Variants in FSHR observed in about 807,000 individuals in gnomAD.
FSHR encodes follicle stimulating hormone receptor, also known as follicle-stimulating hormone receptor.
Under a neutral mutation model 52.1 loss-of-function variants are expected in FSHR, and 46 were observed. That is an observed-to-expected ratio of 0.88 (90% confidence interval 0.70 to 1.13). The LOEUF (loss-of-function observed/expected upper bound fraction) is 1.13, where lower values mean the gene tolerates loss of function less well. Ranked by LOEUF, FSHR falls within the 50% of genes most tolerant of loss-of-function variation. The pLI, the probability that FSHR is intolerant of heterozygous loss-of-function variation, is 0.00. For missense variants in FSHR, 964 were observed against 834.6 expected, an observed-to-expected ratio of 1.16 and a Z score of -1.91; for synonymous variants, 399 against 309.6, an observed-to-expected ratio of 1.29 and a Z score of -3.03.
At chr2:49,038,481 C>T (rs13425191) in intron 2 of FSHR, among the ~76,000 whole-genome samples, 39,677 of 151,234 alleles carry the variant, frequency 0.26, 6,260 homozygotes, top group Non-Finnish European at 0.36. Flanking sequence ...AATAATTAGC[C>T]GGGCGTGGTG....
intron 1 of FSHR, among the ~76,000 whole-genome samples, chr2:49,089,867 T>C (rs1008000593): frequency 1.3e-5 from 2 of 152,194 alleles, no homozygotes; most frequent in Non-Finnish European, 2.9e-5. Flanking sequence ...ATTTACATAG[T>C]CTGCACCAGG....
At chr2:49,081,346 A>G (rs572318552) in intron 1 of FSHR, among the ~76,000 whole-genome samples, 40 of 152,262 alleles carry the variant, frequency 2.6e-4, no homozygotes, top group African/African-American at 8.2e-4. Context: ...AGTATCTTAT[A>G]TTAAAAAAAA....
At chr2:49,003,645 T>C (rs1666984449) in intron 4 of FSHR, among the ~76,000 whole-genome samples, 1 of 152,082 alleles carries the variant, frequency 6.6e-6, no homozygotes, top group South Asian at 2.1e-4. Flanking sequence ...TGGGTCTCTC[T>C]CAGCAAGTAT....
At chr2:48,983,862 T>C (rs1258459248) in intron 6 of FSHR, among the ~76,000 whole-genome samples, 1 of 151,958 alleles carries the variant, frequency 6.6e-6, no homozygotes. Flanking sequence ...AGAACAGCCA[T>C]CCTGATTGCG....
At chr2:49,004,741 T>G (rs1468392711) in intron 4 of FSHR, among the ~76,000 whole-genome samples, 1 of 152,118 alleles carries the variant, frequency 6.6e-6, no homozygotes, top group African/African-American at 2.4e-5. Flanking sequence ...GAGCTAAGCT[T>G]TACTAGGCTA....
In FSHR at chr2:48,987,811, C is replaced by T. The variant is rs374378387; in HGVS notation, c.524+1166G>A. Among the ~76,000 whole-genome samples, 3 of 146,296 alleles carry T rather than the reference C, an allele frequency of 2.1e-5. No individual in the cohort carries two copies. The East Asian group carries it at 6.0e-4, about 29-fold the overall frequency. On this transcript the variant is annotated intron_variant, in intron 6 of 9. Coordinates refer to ENST00000406846, the MANE Select transcript of FSHR (RefSeq NM_000145.4). ...TTCCTTTTGCTTTCTCTTTCTTACC[C>T]TTTCTGCACCCCATCACCTCATCTC...
chr2:48,970,938 C>G (rs114623339), intron 8 of FSHR, among the ~76,000 whole-genome samples: 16 of 152,318 alleles, frequency 1.1e-4, no homozygotes, highest in Non-Finnish European at 2.2e-4. Flanking sequence ...CTTCCCTCCT[C>G]TCCTGTGACT....
chr2:49,152,064 A>C (rs780190313), intron 1 of FSHR, among the ~76,000 whole-genome samples: 6 of 152,172 alleles, frequency 3.9e-5, no homozygotes, highest in Non-Finnish European at 5.9e-5. Context: ...AGTGTGCAGA[A>C]GACAGAATCT....
At chr2:49,038,668 T>A (rs1668381171) in intron 2 of FSHR, among the ~76,000 whole-genome samples, 3 of 146,472 alleles carry the variant, frequency 2.0e-5, no homozygotes, top group African/African-American at 5.0e-5. Flanking sequence ...ATAATAATAA[T>A]AATACTGGTT....
Position 49,017,525 on chromosome 2 carries a change from G to GGGTTGATGTAGAGCA in FSHR, c.323_337dup (p.Leu108_Asn112dup), listed in dbSNP as rs1667531248. ...GTTGGGAAGGTTCTGGAAGGCCTCA[G>GGGTTGATGTAGAGCA]GGTTGATGTAGAGCAGGTTGTTGGC... is the stretch of plus-strand genomic sequence containing the variant. On this transcript the variant is annotated inframe_insertion, in exon 4 of 10. Coordinates refer to ENST00000406846, the MANE Select transcript of FSHR (RefSeq NM_000145.4). 6.2e-7 allele frequency: 1 copy of GGGTTGATGTAGAGCA among 1,613,544 alleles called. No homozygotes were observed. Among genetic ancestry groups the GGGTTGATGTAGAGCA allele is most frequent in the Non-Finnish European group, 8.5e-7 (1 of 1,179,662 alleles).
rs117107484 is a variant in FSHR at position 48,975,628 on chromosome 2, T to A, written c.669-6745A>T. Among the ~76,000 whole-genome samples the A allele has an allele frequency of 2.2e-4, 33 of 152,276 alleles. No homozygotes were observed. The East Asian group carries it at 6.2e-3, about 29-fold the overall frequency. ...CAGCCTCCATAGCCATGTGAGCCAA[T>A]GTCCCTAAGAAATCTCCTCTTCTCT... On this transcript the variant is annotated intron_variant, in intron 8 of 9. Transcript: ENST00000406846.
At chr2:49,096,516 T>C (rs917226474) in intron 1 of FSHR, among the ~76,000 whole-genome samples, 1 of 152,224 alleles carries the variant, frequency 6.6e-6, no homozygotes, top group Non-Finnish European at 1.5e-5. Context: ...ATGAAAATAT[T>C]TTGGGATTAG....
intron 1 of FSHR, among the ~76,000 whole-genome samples, chr2:49,143,043 G>T (rs1230426613): frequency 6.6e-6 from 1 of 152,186 alleles, no homozygotes; most frequent in South Asian, 2.1e-4. Flanking sequence ...CCATAAGGCA[G>T]TCAGAAATGG....
At chr2:48,996,229 C>G (rs1676017435) in intron 4 of FSHR, among the ~76,000 whole-genome samples, 1 of 152,088 alleles carries the variant, frequency 6.6e-6, no homozygotes, top group Non-Finnish European at 1.5e-5. Flanking sequence ...GAAGTTGACT[C>G]CTTCCTCCTG....
At chr2:49,063,204 C>T (rs1289477707) in intron 2 of FSHR, among the ~76,000 whole-genome samples, 1 of 152,098 alleles carries the variant, frequency 6.6e-6, no homozygotes, top group Non-Finnish European at 1.5e-5. Flanking sequence ...CCACTGTACC[C>T]TGGCTTGAGA....
chr2:49,100,561 C>A (rs757294673), intron 1 of FSHR, among the ~76,000 whole-genome samples: 5 of 152,196 alleles, frequency 3.3e-5, no homozygotes, highest in Admixed American at 1.3e-4. Flanking sequence ...CTTACCCAAT[C>A]TTCCTACCTG....
At chr2:49,088,304 C>T (rs780610237) in intron 1 of FSHR, among the ~76,000 whole-genome samples, 4 of 151,892 alleles carry the variant, frequency 2.6e-5, no homozygotes, top group Non-Finnish European at 5.9e-5. Context: ...AAAAGTAGGA[C>T]CAGGTAAGAA....
chr2:48,981,390 T>C (rs1675241159), intron 8 of FSHR, among the ~76,000 whole-genome samples: 1 of 151,038 alleles, frequency 6.6e-6, no homozygotes, highest in Non-Finnish European at 1.5e-5. Context: ...AAAATATTTA[T>C]GTGTGTGTGT....
At chr2:49,079,595 C>A (rs188576208) in intron 1 of FSHR, among the ~76,000 whole-genome samples, 9 of 152,038 alleles carry the variant, frequency 5.9e-5, no homozygotes, top group Non-Finnish European at 1.0e-4. Context: ...AAACCACAAA[C>A]AAAGGAATAT....
Sources: allele counts gnomAD v4.1 joint callset (sites outside exome capture counted in the v4.1 genomes callset), GRCh38; gene constraint gnomAD v4.1.1; transcripts MANE v1.5; gene names NCBI Gene and HGNC (gene_info 2026-07-23, HGNC 2026-07-21).